The following CNTNAP2 variants were observed in gnomAD, a reference collection of about 807,000 sequenced individuals.
CNTNAP2 encodes the protein contactin associated protein 2.
A neutral mutation model predicts 155.2 loss-of-function variants in CNTNAP2; 98 were observed. The observed-to-expected ratio is 0.63, with a 90% CI of 0.54 to 0.75. The LOEUF is 0.75. Ranked by LOEUF, CNTNAP2 falls within the 30% of genes least tolerant of loss-of-function variation. The pLI is 0.00. For synonymous variants in CNTNAP2, 651 were observed against 631.2 expected (o/e 1.03, Z -0.47); for missense variants, 1,727 against 1,688.1 (o/e 1.02, Z -0.40).
At chr7:146,360,053 C>G (rs1795060404) in intron 1 of CNTNAP2, among the ~76,000 whole-genome samples, 1 of 152,188 alleles carries the variant, frequency 6.6e-6, no homozygotes, top group African/African-American at 2.4e-5. Flanking sequence ...TACCAGAATT[C>G]TGTTAGCCTG....
chr7:148,288,395 C>T (rs1021351221), intron 21 of CNTNAP2, among the ~76,000 whole-genome samples: 2 of 152,120 alleles, frequency 1.3e-5, no homozygotes, highest in East Asian at 1.9e-4. Flanking sequence ...CACCGCGCCC[C>T]GCCTCTCTTC....
At chr7:146,509,011 G>A (rs2129134869) in intron 1 of CNTNAP2, among the ~76,000 whole-genome samples, 1 of 152,256 alleles carries the variant, frequency 6.6e-6, no homozygotes, top group Admixed American at 6.5e-5. Flanking sequence ...CATGTATGCA[G>A]CACCCTGCAC....
chr7:146,272,036 CTG>C (rs1800090457), intron 1 of CNTNAP2, among the ~76,000 whole-genome samples: 1 of 152,114 alleles, frequency 6.6e-6, no homozygotes, highest in Non-Finnish European at 1.5e-5. Flanking sequence ...TAATCTAACA[CTG>C]TGTATTAGTC....
chr7:147,010,687 T>C (rs1192265741), intron 3 of CNTNAP2, among the ~76,000 whole-genome samples: 2 of 152,024 alleles, frequency 1.3e-5, no homozygotes, highest in Non-Finnish European at 2.9e-5. Context: ...AGTAAATAAA[T>C]GGAGAGAAGA....
At chr7:147,065,778 G>C (rs1218008705) in intron 4 of CNTNAP2, among the ~76,000 whole-genome samples, 1 of 152,018 alleles carries the variant, frequency 6.6e-6, no homozygotes, top group Non-Finnish European at 1.5e-5. Flanking sequence ...GTTGCACAAA[G>C]CTAATAGGCA....
chr7:147,024,210 T>C (rs1798861493), intron 3 of CNTNAP2, among the ~76,000 whole-genome samples: 1 of 152,214 alleles, frequency 6.6e-6, no homozygotes, highest in Non-Finnish European at 1.5e-5. Flanking sequence ...AAGCACATTC[T>C]GCTAATTTGT....
chr7:146,396,410 GTTT>G (rs1020457843), intron 1 of CNTNAP2, among the ~76,000 whole-genome samples: 5 of 151,792 alleles, frequency 3.3e-5, no homozygotes, highest in Non-Finnish European at 5.9e-5. Flanking sequence ...GAATCTTATG[GTTT>G]TTATTTTATT....
intron 16 of CNTNAP2, among the ~76,000 whole-genome samples, chr7:148,146,813 CCAA>C (rs1239362223): frequency 3.3e-5 from 5 of 152,136 alleles, no homozygotes; most frequent in African/African-American, 9.7e-5. Context: ...CGTCATTACA[CCAA>C]CAATAGGTTA....
chr7:148,346,281 C>T (rs1422692634), intron 21 of CNTNAP2, among the ~76,000 whole-genome samples: 1 of 152,162 alleles, frequency 6.6e-6, no homozygotes, highest in Non-Finnish European at 1.5e-5. Context: ...GTTTTCTACA[C>T]TTATTTAGCA....
chr7:148,076,030 A>C (rs1585112756), intron 15 of CNTNAP2, among the ~76,000 whole-genome samples: 1 of 152,360 alleles, frequency 6.6e-6, no homozygotes, highest in Admixed American at 6.5e-5. Context: ...TAAAGGAAGA[A>C]TGTGGGCAAT....
chr7:148,319,250 ACT>A (rs1402104644), intron 21 of CNTNAP2, among the ~76,000 whole-genome samples: 1 of 152,072 alleles, frequency 6.6e-6, no homozygotes, highest in Non-Finnish European at 1.5e-5. Context: ...TTTCATGAAG[ACT>A]CTTGTATATT....
At chr7:146,842,837 C>T (rs1173557730) in intron 3 of CNTNAP2, among the ~76,000 whole-genome samples, 6 of 151,524 alleles carry the variant, frequency 4.0e-5, no homozygotes, top group East Asian at 2.0e-4. Flanking sequence ...AGGCGCCCGC[C>T]ACCACGCCCG....
chr7:147,298,383 C>T (rs1402683486), intron 8 of CNTNAP2, among the ~76,000 whole-genome samples: 1 of 151,780 alleles, frequency 6.6e-6, no homozygotes, highest in Non-Finnish European at 1.5e-5. Context: ...GAGATCCCGT[C>T]ATTGCACTCC....
At chr7:147,353,277 T>G (rs1796001860) in intron 9 of CNTNAP2, among the ~76,000 whole-genome samples, 1 of 151,992 alleles carries the variant, frequency 6.6e-6, no homozygotes, top group Non-Finnish European at 1.5e-5. Context: ...TAGGTATTTC[T>G]CCCAATGTTA....
At chr7:146,187,840 C>G (rs900965857) in intron 1 of CNTNAP2, among the ~76,000 whole-genome samples, 3 of 152,112 alleles carry the variant, frequency 2.0e-5, no homozygotes, top group African/African-American at 7.2e-5. Context: ...AGCATGAAAC[C>G]CTTCAGTCTG....
chr7:146,189,394 C>T (rs554402678), intron 1 of CNTNAP2, among the ~76,000 whole-genome samples: 6 of 152,154 alleles, frequency 3.9e-5, no homozygotes, highest in South Asian at 2.1e-4. Context: ...AATAGGTTTC[C>T]GGTCCTATGC....
intron 18 of CNTNAP2, among the ~76,000 whole-genome samples, chr7:148,181,089 G>C (rs2116703666): frequency 6.6e-6 from 1 of 152,322 alleles, no homozygotes; most frequent in African/African-American, 2.4e-5. Flanking sequence ...TCATGCTTTT[G>C]AGCTTGGGCT....
rs796408418 is a variant in CNTNAP2 at position 147,090,347 on chromosome 7, GTGTGTT to G, written c.551-17799_551-17794del. Among the ~76,000 whole-genome samples, 99 of 151,864 alleles carry G rather than the reference GTGTGTT, an allele frequency of 6.5e-4. 1 individual carries two copies. The highest frequency in any genetic ancestry group is 3.1e-3 in the South Asian group (15 of 4,800). On this transcript the variant is annotated intron_variant, in intron 4 of 23. Coordinates refer to ENST00000361727, the MANE Select transcript of CNTNAP2 (RefSeq NM_014141.6). Reference sequence around the variant, plus strand: ...CGTGTGTGTGTGTGTGTGTGTGTGTGTGTGTTACAATTCTCTGGTATTTACAACAAG... The same window carrying G: ...CGTGTGTGTGTGTGTGTGTGTGTGTGACAATTCTCTGGTATTTACAACAAG...
intron 10 of CNTNAP2, among the ~76,000 whole-genome samples, chr7:147,474,481 G>C (rs1798281218): frequency 6.6e-6 from 1 of 151,978 alleles, no homozygotes; most frequent in South Asian, 2.1e-4. Context: ...TACTCAGGAG[G>C]CTGAGGCAGG....
Sources: gnomAD v4.1 joint callset for allele counts (sites outside exome capture counted in the v4.1 genomes callset) on GRCh38, gnomAD v4.1.1 for gene constraint, MANE v1.5 for transcripts, NCBI Gene and HGNC (gene_info 2026-07-23, HGNC 2026-07-21) for gene names.